Variants in RCHY1 observed in about 807,000 individuals in gnomAD.
RCHY1 encodes ring finger and CHY zinc finger domain containing 1.
Under a neutral mutation model 41.6 loss-of-function variants are expected in RCHY1, and 21 were observed. That is an observed-to-expected ratio of 0.51 (90% CI 0.36 to 0.73). The LOEUF (loss-of-function observed/expected upper bound fraction) is 0.73. RCHY1 is among the 30% of genes least tolerant of loss of function. RCHY1 has a pLI of 0.00. For missense variants in RCHY1, 265 were observed against 325.3 expected (o/e 0.81, Z 1.43); for synonymous variants, 79 against 102.9 (o/e 0.77, Z 1.41).
intron 3 of RCHY1, among the ~76,000 whole-genome samples, chr4:75,497,388 C>T (rs1354552468): frequency 2.6e-5 from 4 of 152,156 alleles, no homozygotes; most frequent in Non-Finnish European, 5.9e-5. Context: ...AGGCAGTCCT[C>T]GGTTCAAACT....
At position 75,509,346 on chromosome 4, in the gene RCHY1, A is replaced by C. The variant is rs768403364; in HGVS notation, c.91-50T>G. ...ATATAGTAAGAAGCAAAAGAAACTA[A>C]GTGTGCAATACAAAAAGAAAATTTC... On this transcript the variant is annotated intron_variant, in intron 1 of 8. Transcript: ENST00000324439. 1.9e-6 allele frequency: 3 copies of C among 1,579,780 alleles called. No individual in the cohort carries two copies. The South Asian group carries it at 3.5e-5, about 18-fold the overall frequency.
intron 3 of RCHY1, among the ~76,000 whole-genome samples, chr4:75,496,766 AT>A (rs1723247380): frequency 6.6e-6 from 1 of 152,084 alleles, no homozygotes; most frequent in South Asian, 2.1e-4. Flanking sequence ...GCTCAAGAAG[AT>A]TTATAGGAAT....
chr4:75,490,993 C>G lies in RCHY1; in HGVS notation c.537-292G>C, dbSNP rs1015126494. ...ATATTTTTATAAACTAATTAAGCTA[C>G]TCCTTATCTAAACAACCTTAATTTC... On this transcript the variant is annotated intron_variant, in intron 7 of 8. Transcript: ENST00000324439. 16 of 210,368 alleles carry G rather than the reference C, an allele frequency of 7.6e-5. 1 individual carries two copies. Among genetic ancestry groups the G allele is most frequent in the Admixed American group, 3.4e-4 (6 of 17,558 alleles). The allele number at this position is 210,368 out of a possible 1,614,324, so 13.0% of individuals were successfully genotyped here. A position where few individuals can be genotyped will look rare whatever the true frequency, so the allele number is the denominator to read the frequency against.
chr4:75,503,286 T>C (rs1459353206), intron 3 of RCHY1, among the ~76,000 whole-genome samples: 2 of 152,182 alleles, frequency 1.3e-5, no homozygotes, highest in African/African-American at 2.4e-5. Flanking sequence ...ACTCTAATTA[T>C]AATGATGGTG....
intron 8 of RCHY1, among the ~76,000 whole-genome samples, chr4:75,484,004 G>C (rs1222259981): frequency 6.6e-6 from 1 of 152,098 alleles, no homozygotes; most frequent in Non-Finnish European, 1.5e-5. Flanking sequence ...TTATGCTTTA[G>C]GTTGCAAGCT....
rs1195439541 is a variant in RCHY1 at position 75,487,579 on chromosome 4, T to TATATATATTCATAATATATATTC, written c.657+2979_657+3001dup. Among the ~76,000 whole-genome samples, 8 of 29,170 alleles carry TATATATATTCATAATATATATTC rather than the reference T, an allele frequency of 2.7e-4. 1 individual carries two copies. In the East Asian group the frequency reaches 6.1e-3, roughly 22 times the overall value. The allele number at this position is 29,170 out of a possible 152,430, so 19.1% of individuals were successfully genotyped here. A position where few individuals can be genotyped will look rare whatever the true frequency, so the allele number is the denominator to read the frequency against. On this transcript the variant is annotated intron_variant, in intron 8 of 8. Coordinates refer to ENST00000324439, the MANE Select transcript of RCHY1 (RefSeq NM_015436.4). ...AATATATTCATAATATATATATTCA[T>TATATATATTCATAATATATATTC]ATATATATTCATAATATATATTCAT... is the stretch of plus-strand genomic sequence containing the variant.
chr4:75,509,311 G>A lies in RCHY1; in HGVS notation c.91-15C>T, dbSNP rs1578240829. ...CAGCAAGGTGCCTAACACCCACGGA[G>A]AAAAAAGAGATATAGTAAGAAGCAA... On this transcript the variant is annotated splice_polypyrimidine_tract_variant and intron_variant, in intron 1 of 8. Coordinates refer to ENST00000324439, the MANE Select transcript of RCHY1 (RefSeq NM_015436.4). The A allele has an allele frequency of 6.2e-7, 1 of 1,600,732 alleles. No homozygotes were observed. Among genetic ancestry groups the A allele is most frequent in the Non-Finnish European group, 8.5e-7 (1 of 1,175,556 alleles).
chr4:75,507,679 C>G (rs962852914), intron 3 of RCHY1, among the ~76,000 whole-genome samples: 1 of 151,856 alleles, frequency 6.6e-6, no homozygotes, highest in Admixed American at 6.6e-5. Flanking sequence ...CGAAAGAAAG[C>G]TGATATAGAT....
At chr4:75,488,903 C>T (rs532161457) in intron 8 of RCHY1, among the ~76,000 whole-genome samples, 30 of 151,958 alleles carry the variant, frequency 2.0e-4, no homozygotes, top group Non-Finnish European at 2.9e-4. Context: ...GGCGAAACAC[C>T]GACTCTACTA....
chr4:75,488,746 C>A (rs1265745231), intron 8 of RCHY1, among the ~76,000 whole-genome samples: 4 of 152,080 alleles, frequency 2.6e-5, no homozygotes, highest in African/African-American at 9.7e-5. Context: ...GCCACCTGGC[C>A]CTTCCTAAAT....
rs1171862494 is a variant in RCHY1, at chr4:75,479,883, G to A, written c.*2655C>T. On this transcript the variant is annotated 3_prime_UTR_variant, in exon 9 of 9. Transcript: ENST00000324439. Reference sequence around the variant, plus strand: ...AAAAGAATAGGAAAAGAATGAAGTTGTCTGTTAAAATGTTAACAGTAGTTC... The same window carrying A: ...AAAAGAATAGGAAAAGAATGAAGTTATCTGTTAAAATGTTAACAGTAGTTC... 6.6e-6 allele frequency: 1 copy of A among 152,150 alleles called. No homozygotes were observed. The highest frequency in any genetic ancestry group is 2.4e-5 in the African/African-American group (1 of 41,452). The allele number at this position is 152,150 out of a possible 1,614,324, so 9.4% of individuals were successfully genotyped here.
intron 3 of RCHY1, among the ~76,000 whole-genome samples, chr4:75,507,881 A>C (rs1462171331): frequency 1.3e-5 from 2 of 152,114 alleles, no homozygotes; most frequent in Non-Finnish European, 2.9e-5. Flanking sequence ...AACTTCCAAA[A>C]GTCAGCATAC....
chr4:75,514,556 G>GT (rs1560537257), upstream of RCHY1: 2 of 353,154 alleles, frequency 5.7e-6, no homozygotes, highest in Non-Finnish European at 1.0e-5. Flanking sequence ...TCCCCCAATC[G>GT]CTACCCGCCC....
intron 1 of RCHY1, among the ~76,000 whole-genome samples, chr4:75,511,386 T>G (rs888910691): frequency 1.3e-5 from 2 of 152,242 alleles, no homozygotes; most frequent in African/African-American, 4.8e-5. Context: ...ACAAATACTG[T>G]CATTTTCATT....
At chr4:75,487,088 T>C (rs1227479747) in intron 8 of RCHY1, among the ~76,000 whole-genome samples, 2 of 152,090 alleles carry the variant, frequency 1.3e-5, no homozygotes, top group Non-Finnish European at 2.9e-5. Flanking sequence ...ATTTTAAAAG[T>C]TTATAAGGGA....
At chr4:75,489,249 C>T (rs1042952412) in intron 8 of RCHY1, among the ~76,000 whole-genome samples, 3 of 152,118 alleles carry the variant, frequency 2.0e-5, no homozygotes, top group African/African-American at 4.8e-5. Context: ...CAAAACTTCA[C>T]GTACATTTCT....
At chr4:75,514,021 G>A (rs1255771564) in intron 1 of RCHY1, 176 bp downstream of exon 1, 4 of 930,320 alleles carry the variant, frequency 4.3e-6, no homozygotes, top group East Asian at 2.7e-5. Flanking sequence ...TAGGAAAGGT[G>A]GGGCTTATCG....
chr4:75,483,268 T>TAAC (rs1721677854), intron 8 of RCHY1, among the ~76,000 whole-genome samples: 2 of 152,150 alleles, frequency 1.3e-5, no homozygotes, highest in Non-Finnish European at 2.9e-5. Flanking sequence ...ATAACAAAGG[T>TAAC]GTTAACCTGA....
intron 3 of RCHY1, among the ~76,000 whole-genome samples, chr4:75,501,557 TC>T (rs1400116544): frequency 2.6e-5 from 4 of 152,144 alleles, no homozygotes; most frequent in Admixed American, 1.3e-4. Context: ...ATAAAATGCC[TC>T]CTAAAATGCC....
Sources: gnomAD v4.1 joint callset for allele counts (sites outside exome capture counted in the v4.1 genomes callset) on GRCh38, gnomAD v4.1.1 for gene constraint, MANE v1.5 for transcripts, NCBI Gene and HGNC (gene_info 2026-07-23, HGNC 2026-07-21) for gene names.